The following HS3ST4 variants were observed in gnomAD, a reference collection of about 807,000 sequenced individuals.
HS3ST4 encodes heparan sulfate glucosamine 3-O-sulfotransferase 4.
HS3ST4 carries 17 observed loss-of-function variants against 29.2 expected under a neutral mutation model. The observed-to-expected ratio is 0.58, with a 90% CI of 0.40 to 0.87. The LOEUF is 0.87. Among genes scored for constraint, HS3ST4 ranks in the 40% least tolerant of loss-of-function variants. HS3ST4 has a pLI of 0.00. For synonymous variants in HS3ST4, 314 were observed against 285.7 expected, an observed-to-expected ratio of 1.10 and a Z score of -1.00; for missense variants, 627 against 634.5, an observed-to-expected ratio of 0.99 and a Z score of 0.13.
At chr16:25,771,446 T>A (rs942603156) in intron 1 of HS3ST4, among the ~76,000 whole-genome samples, 2 of 152,048 alleles carry the variant, frequency 1.3e-5, no homozygotes, top group Admixed American at 6.6e-5. Flanking sequence ...TGCTAAGTGA[T>A]TTCCTACCCC....
At chr16:25,896,652 A>T (rs942638413) in intron 1 of HS3ST4, among the ~76,000 whole-genome samples, 1 of 152,188 alleles carries the variant, frequency 6.6e-6, no homozygotes, top group Non-Finnish European at 1.5e-5. Context: ...CACCTGCCCA[A>T]AGGACAATAA....
intron 1 of HS3ST4, among the ~76,000 whole-genome samples, chr16:26,006,222 C>A (rs1029668418): frequency 6.8e-6 from 1 of 146,338 alleles, no homozygotes; most frequent in African/African-American, 2.5e-5. Flanking sequence ...TTGCTTGAAC[C>A]CAGGAGGCAG....
chr16:26,131,728 G>A (rs1021127975), intron 1 of HS3ST4, among the ~76,000 whole-genome samples: 9 of 152,092 alleles, frequency 5.9e-5, no homozygotes, highest in African/African-American at 1.9e-4. Flanking sequence ...TTACTGGATC[G>A]GAGCCCCAGG....
At chr16:25,775,639 C>T (rs1189192491) in intron 1 of HS3ST4, among the ~76,000 whole-genome samples, 1 of 152,244 alleles carries the variant, frequency 6.6e-6, no homozygotes, top group African/African-American at 2.4e-5. Flanking sequence ...CAATTCCTCA[C>T]AACTTTTGTC....
rs959681164 is a variant in HS3ST4 at position 25,762,902 on chromosome 16, A to G, written c.734+69751A>G. On this transcript the variant is annotated intron_variant, in intron 1 of 1. Coordinates refer to ENST00000331351, the MANE Select transcript of HS3ST4 (RefSeq NM_006040.3). ...AAAAAAAAAAAAAAAAAAAAAAAGA[A>G]AAAAGAAAGAAAATGCTCAACCAGA... is the stretch of plus-strand genomic sequence containing the variant. Among the ~76,000 whole-genome samples, 4 of 138,566 alleles carry G rather than the reference A, an allele frequency of 2.9e-5. No homozygotes were observed. The South Asian group carries it at 9.4e-4, about 32-fold the overall frequency. The allele number at this position is 138,566 out of a possible 152,430, so 90.9% of individuals were successfully genotyped here.
At chr16:25,825,312 T>G (rs754448383) in intron 1 of HS3ST4, 4 of 152,272 alleles carry the variant, frequency 2.6e-5, no homozygotes, top group Non-Finnish European at 5.9e-5. Flanking sequence ...GAGAATTAAT[T>G]GCTGTTGTTA....
At chr16:26,096,469 C>A (rs1455584581) in intron 1 of HS3ST4, among the ~76,000 whole-genome samples, 1 of 152,118 alleles carries the variant, frequency 6.6e-6, no homozygotes, top group African/African-American at 2.4e-5. Flanking sequence ...TAATCCATCA[C>A]ATAAAGAGAA....
chr16:25,862,159 T>G (rs1056675388), intron 1 of HS3ST4, among the ~76,000 whole-genome samples: 40 of 139,190 alleles, frequency 2.9e-4, no homozygotes, highest in Admixed American at 7.6e-4. Context: ...TTTTATTTAT[T>G]TACATATTTA....
intron 1 of HS3ST4, among the ~76,000 whole-genome samples, chr16:25,888,337 A>G (rs1166498900): frequency 1.3e-5 from 2 of 152,150 alleles, no homozygotes; most frequent in African/African-American, 4.8e-5. Context: ...AAATGATCTA[A>G]TCGGATTTTG....
chr16:25,796,220 C>T (rs1966885112), intron 1 of HS3ST4, among the ~76,000 whole-genome samples: 1 of 152,126 alleles, frequency 6.6e-6, no homozygotes, highest in African/African-American at 2.4e-5. Context: ...CTTAACCTGT[C>T]GCAGTCATTG....
chr16:26,086,052 C>T (rs1256615183), intron 1 of HS3ST4, among the ~76,000 whole-genome samples: 2 of 152,060 alleles, frequency 1.3e-5, no homozygotes, highest in South Asian at 2.1e-4. Context: ...ATGGGATGTA[C>T]TGTCATGAGC....
At chr16:25,774,131 A>G (rs867220949) in intron 1 of HS3ST4, among the ~76,000 whole-genome samples, 2 of 152,180 alleles carry the variant, frequency 1.3e-5, no homozygotes, top group Admixed American at 6.5e-5. Context: ...TAAGTAAGAG[A>G]TAGTGTGATT....
chr16:25,848,306 T>C (rs1258575064), intron 1 of HS3ST4, among the ~76,000 whole-genome samples: 1 of 152,016 alleles, frequency 6.6e-6, no homozygotes, highest in Non-Finnish European at 1.5e-5. Flanking sequence ...GTCCGGCTAA[T>C]TTTTTGTATC....
rs191422999 is a variant in HS3ST4 at position 25,961,984 on chromosome 16, T to A, written c.735-173628T>A. On this transcript the variant is annotated intron_variant, in intron 1 of 1. Transcript: ENST00000331351. Reference sequence around the variant, plus strand: ...TAAGATGATACTGTTGATATTTAGATAATAAAAATCTTTAAGCTTTGAGAT... The same window carrying A: ...TAAGATGATACTGTTGATATTTAGAAAATAAAAATCTTTAAGCTTTGAGAT... Among the ~76,000 whole-genome samples the A allele has an allele frequency of 2.7e-3, 414 of 152,350 alleles. 3 individuals carry two copies. The highest frequency in any genetic ancestry group is 0.01 in the Middle Eastern group (3 of 294).
At chr16:25,881,563 T>A (rs1191150221) in intron 1 of HS3ST4, among the ~76,000 whole-genome samples, 2 of 152,094 alleles carry the variant, frequency 1.3e-5, no homozygotes, top group African/African-American at 4.8e-5. Context: ...AAGTGGTTAT[T>A]TGGGTGAAAT....
intron 1 of HS3ST4, among the ~76,000 whole-genome samples, chr16:26,056,501 G>C (rs1898409761): frequency 6.6e-6 from 1 of 152,166 alleles, no homozygotes; most frequent in Non-Finnish European, 1.5e-5. Context: ...AGGAGCAGGG[G>C]GCACAGAAGT....
chr16:25,854,168 G>T (rs1409323779), intron 1 of HS3ST4, among the ~76,000 whole-genome samples: 1 of 151,984 alleles, frequency 6.6e-6, no homozygotes, highest in African/African-American at 2.4e-5. Flanking sequence ...GAGTGCAGTG[G>T]CACAATGATA....
At chr16:25,751,776 A>T (rs1966722165) in intron 1 of HS3ST4, among the ~76,000 whole-genome samples, 1 of 152,158 alleles carries the variant, frequency 6.6e-6, no homozygotes, top group Non-Finnish European at 1.5e-5. Flanking sequence ...TATTTGGCTT[A>T]CACACAGTGG....
intron 1 of HS3ST4, among the ~76,000 whole-genome samples, chr16:25,876,659 C>G (rs1287885686): frequency 1.3e-5 from 2 of 152,016 alleles, no homozygotes; most frequent in African/African-American, 4.8e-5. Flanking sequence ...TCATCCCACT[C>G]AATCAACAGT....
Sources: gnomAD v4.1 joint callset for allele counts (sites outside exome capture counted in the v4.1 genomes callset) on GRCh38, gnomAD v4.1.1 for gene constraint, MANE v1.5 for transcripts, NCBI Gene and HGNC (gene_info 2026-07-23, HGNC 2026-07-21) for gene names.